The following COL9A3 variants were observed in gnomAD, a reference collection of about 807,000 sequenced individuals.
COL9A3 encodes the protein collagen alpha-3(IX) chain.
A neutral mutation model predicts 110.2 loss-of-function variants in COL9A3; 82 were observed. The ratio of observed to expected loss-of-function variants is 0.74; its 90% confidence interval spans 0.62 to 0.89. The LOEUF (loss-of-function observed/expected upper bound fraction) is 0.89. Among genes scored for constraint, COL9A3 ranks in the 40% least tolerant of loss-of-function variants. The pLI is 0.00. For synonymous variants in COL9A3, 494 were observed against 403.8 expected, an observed-to-expected ratio of 1.22 and a Z score of -2.68; for missense variants, 1,066 against 981.3, an observed-to-expected ratio of 1.09 and a Z score of -1.15.
Position 62,822,863 on chromosome 20 carries a change from C to G in COL9A3, c.519+231C>G, listed in dbSNP as rs143894656. ...ACCACCGTCTAGACCTGCACTGTCC[C>G]TCATGAAGCCACCAGGCGCATGGAG... On this transcript the variant is annotated intron_variant, in intron 10 of 31. Transcript: ENST00000649368. Among the ~76,000 whole-genome samples, 92 of 152,282 alleles carry G rather than the reference C, an allele frequency of 6.0e-4. 1 individual carries two copies. Among genetic ancestry groups the G allele is most frequent in the African/African-American group, 2.1e-3 (87 of 41,566 alleles).
At position 62,826,215 on chromosome 20, in the gene COL9A3, A is replaced by T. The variant is rs2063550854; in HGVS notation, c.696A>T (p.Gly232=). 6.4e-7 allele frequency: 1 copy of T among 1,562,416 alleles called. No homozygotes were observed. Among genetic ancestry groups the T allele is most frequent in the Non-Finnish European group, 8.7e-7 (1 of 1,154,012 alleles). The change falls in exon 14 of 32, where the codon GGA becomes GGT. Residue 232 remains glycine, a synonymous_variant. Transcript: ENST00000649368. ...CCTCTCTCTCGCAGGGCCCCCGGGG[A>T]TTACGAGGACTGCCAGGGCCACTCG... ...PGSVGLQGPR[G]LRGLPGPLGP... is the part of the protein sequence containing the mutation.
In COL9A3 at chr20:62,833,074, T is replaced by G. The variant is rs199636135; in HGVS notation, c.1368+10T>G. 1 of 1,610,872 alleles carries G rather than the reference T, an allele frequency of 6.2e-7. No homozygotes were observed. Among genetic ancestry groups the G allele is most frequent in the Non-Finnish European group, 8.5e-7 (1 of 1,177,170 alleles). On this transcript the variant is annotated intron_variant, in intron 26 of 31. Coordinates refer to ENST00000649368, the MANE Select transcript of COL9A3 (RefSeq NM_001853.4). ...GGATAAAGGAGAACTGGTGAGTAAT[T>G]AGGTAACCTCACTGTTACCAACAGC...
intron 24 of COL9A3, 62 bp downstream of exon 24, chr20:62,830,650 C>CTA (rs2063588475): frequency 1.1e-6 from 1 of 897,440 alleles, no homozygotes; most frequent in East Asian, 3.0e-5. Flanking sequence ...CCACAGTCCC[C>CTA]CACCCCCATG....
rs765599823 is a variant in COL9A3 at position 62,822,009 on chromosome 20, G to C, written c.424-102G>C. The stretch of plus-strand genomic sequence containing the variant: ...ACACCAGCACAGTCCGTGGGAGTGG[G>C]GGCTGGTGGGAGCTGGGCGTGTCCA... On this transcript the variant is annotated intron_variant, in intron 8 of 31. Coordinates refer to ENST00000649368, the MANE Select transcript of COL9A3 (RefSeq NM_001853.4). 22 of 845,490 alleles carry C rather than the reference G, an allele frequency of 2.6e-5. 2 individuals carry two copies. In the Middle Eastern group the frequency reaches 6.9e-4, roughly 26 times the overall value. 52.4% of individuals were successfully genotyped at this position (845,490 alleles called of 1,614,324 possible).
At chr20:62,818,116 A>G (rs1172252240) in intron 2 of COL9A3, among the ~76,000 whole-genome samples, 5 of 152,004 alleles carry the variant, frequency 3.3e-5, no homozygotes, top group Non-Finnish European at 7.4e-5. Flanking sequence ...AAATTCTACA[A>G]TTGTGCCTCC....
At chr20:62,826,681 T>C in intron 14 of COL9A3, 86 bp from the exon 15 acceptor site, 1 of 1,456,480 alleles carries the variant, frequency 6.9e-7, no homozygotes, top group Admixed American at 1.8e-5. Context: ...GGGCTGCTTG[T>C]GTCTGGGCCG....
Position 62,817,854 on chromosome 20 carries a change from G to A in COL9A3, c.147+219G>A, listed in dbSNP as rs535876836. 5,108 of 672,782 alleles carry A rather than the reference G, an allele frequency of 7.6e-3. 39 individuals are homozygous for A. The highest frequency in any genetic ancestry group is 0.011 in the Non-Finnish European group (3,863 of 358,314). The allele number at this position is 672,782 out of a possible 1,614,324, so 41.7% of individuals were successfully genotyped here. On this transcript the variant is annotated intron_variant, in intron 2 of 31. Transcript: ENST00000649368. ...GTGTCATGTGGTGGTCCTCCACCCA[G>A]AATGCCGGCACTGAGGTGTGTGTCT...
At position 62,817,907 on chromosome 20, in the gene COL9A3, T is replaced by TA. The variant is rs1447980153; in HGVS notation, c.147+272_147+273insA. On this transcript the variant is annotated intron_variant, in intron 2 of 31. Transcript: ENST00000649368. ...GGGTCCCCTGAGGGGCCCGTGCCCC[T>TA]GTGTTCGGGGTTCTGGCCTCTGGCT... 5.2e-6 allele frequency: 3 copies of TA among 576,382 alleles called. No homozygotes were observed. In the African/African-American group the frequency reaches 5.7e-5, roughly 11 times the overall value. The allele number at this position is 576,382 out of a possible 1,614,324, so 35.7% of individuals were successfully genotyped here.
rs1465677766 is a variant in COL9A3 at position 62,836,030 on chromosome 20, G to A, written c.1401+77G>A. 4 of 1,609,594 alleles carry A rather than the reference G, an allele frequency of 2.5e-6. No individual in the cohort carries two copies. The East Asian group carries it at 8.9e-5, about 36-fold the overall frequency. ...TTCCTGCCCACCTCTGGGCAACCAGGCAGCCCTGCAGGGCACTGCCCAGAT... is the reference window on the plus strand; with the variant it reads ...TTCCTGCCCACCTCTGGGCAACCAGACAGCCCTGCAGGGCACTGCCCAGAT... On this transcript the variant is annotated intron_variant, in intron 27 of 31. Transcript: ENST00000649368.
At chr20:62,837,815 A>G (rs79541685) in intron 30 of COL9A3, among the ~76,000 whole-genome samples, 4 of 138,906 alleles carry the variant, frequency 2.9e-5, no homozygotes. Flanking sequence ...TCCATAAAAG[A>G]AAAAAAAAAT....
At chr20:62,820,089 C>A in intron 5 of COL9A3, 107 bp downstream of exon 5, 1 of 1,335,132 alleles carries the variant, frequency 7.5e-7, no homozygotes, top group Non-Finnish European at 1.1e-6. Flanking sequence ...GTTCCAAGGA[C>A]AGCTGCCCTG....
At chr20:62,830,484 TG>T in intron 23 of COL9A3, 32 bp from the exon 24 acceptor site, 5 of 1,601,992 alleles carry the variant, frequency 3.1e-6, no homozygotes, top group Non-Finnish European at 2.6e-6. Context: ...CGACAGGGTA[TG>T]GGCACTGACG....
chr20:62,832,892 C>A, intron 25 of COL9A3, 128 bp from the exon 26 acceptor site: 1 of 861,682 alleles, frequency 1.2e-6, no homozygotes, highest in Non-Finnish European at 1.9e-6. Context: ...GCCCTGGGGC[C>A]TGGGCTTTTG....
At chr20:62,817,813 T>TGGGTAGG (rs1990984298) in intron 2 of COL9A3, 178 bp downstream of exon 2, 1 of 661,286 alleles carries the variant, frequency 1.5e-6, no homozygotes, top group South Asian at 1.6e-5. Flanking sequence ...GGACTGCTGG[T>TGGGTAGG]GGGTAGGGGT....
At chr20:62,837,514 A>C (rs1475904449) in intron 30 of COL9A3, among the ~76,000 whole-genome samples, 1 of 152,234 alleles carries the variant, frequency 6.6e-6, no homozygotes, top group Admixed American at 6.5e-5. Context: ...GGATTGATTT[A>C]AAATGTGACG....
chr20:62,831,208 C>T (rs567432207), intron 24 of COL9A3: 5 of 152,422 alleles, frequency 3.3e-5, no homozygotes, highest in African/African-American at 9.6e-5. Flanking sequence ...AAGACTTTTT[C>T]CTGCTGGTCT....
intron 15 of COL9A3, 74 bp downstream of exon 15, chr20:62,826,894 C>A (rs1461484052): frequency 7.2e-6 from 11 of 1,527,800 alleles, no homozygotes; most frequent in Non-Finnish European, 9.8e-6. Flanking sequence ...CTCTCAGACG[C>A]CCCCAGCCCC....
rs2063574308 is a variant in COL9A3 at position 62,828,915 on chromosome 20, C to T, written c.955-8C>T. The T allele has an allele frequency of 1.2e-6, 2 of 1,612,468 alleles. No homozygotes were observed. Among genetic ancestry groups the T allele is most frequent in the Non-Finnish European group, 1.7e-6 (2 of 1,179,878 alleles). ...TCCCCTTCCGCACCCCAATCTCTGTCCTCACAGGGAGAGGCTGGTCGCAAC... is the reference window on the plus strand; with the variant it reads ...TCCCCTTCCGCACCCCAATCTCTGTTCTCACAGGGAGAGGCTGGTCGCAAC... On this transcript the variant is annotated splice_region_variant and splice_polypyrimidine_tract_variant and intron_variant, in intron 18 of 31. Coordinates refer to ENST00000649368, the MANE Select transcript of COL9A3 (RefSeq NM_001853.4).
intron 12 of COL9A3, among the ~76,000 whole-genome samples, chr20:62,825,240 C>T (rs1192221355): frequency 1.3e-5 from 2 of 152,212 alleles, no homozygotes; most frequent in South Asian, 2.1e-4. Context: ...GCACTGGCAC[C>T]TTCTGTGCCT....
Sources: allele counts gnomAD v4.1 joint callset (sites outside exome capture counted in the v4.1 genomes callset), GRCh38; gene constraint gnomAD v4.1.1; transcripts MANE v1.5; gene names NCBI Gene and HGNC (gene_info 2026-07-23, HGNC 2026-07-21).